Variants in GLB1 observed in about 807,000 individuals in gnomAD.
GLB1 encodes the protein beta-galactosidase.
Under a neutral mutation model 74.0 loss-of-function variants are expected in GLB1, and 56 were observed. The observed-to-expected ratio is 0.76, with a 90% CI of 0.61 to 0.94. The LOEUF is 0.94. GLB1 is among the 40% of genes least tolerant of loss of function. GLB1 has a pLI of 0.00. For synonymous variants in GLB1, 323 were observed against 323.6 expected, an observed-to-expected ratio of 1.00 and a Z score of 0.02; for missense variants, 787 against 845.5, an observed-to-expected ratio of 0.93 and a Z score of 0.86.
At chr3:33,096,796 CGAGCT>C (rs1052499421) in intron 1 of GLB1, 10 of 1,348,758 alleles carry the variant, frequency 7.4e-6, no homozygotes, top group Non-Finnish European at 9.5e-6. Context: ...CACAAGCGAC[CGAGCT>C]GCCTGGAAGG....
At chr3:33,012,289 G>A (rs1358342798) in intron 15 of GLB1, among the ~76,000 whole-genome samples, 2 of 152,134 alleles carry the variant, frequency 1.3e-5, no homozygotes, top group African/African-American at 4.8e-5. Flanking sequence ...CTCTGCTATG[G>A]TCTGAATGTT....
At chr3:33,019,069 G>A (rs1697361130) in intron 12 of GLB1, among the ~76,000 whole-genome samples, 1 of 152,214 alleles carries the variant, frequency 6.6e-6, no homozygotes, top group African/African-American at 2.4e-5. Context: ...TGTAGTCTCA[G>A]TTACTTGGGG....
downstream of GLB1, chr3:32,996,518 AT>A (rs1305372332): frequency 5.2e-6 from 1 of 193,888 alleles, no homozygotes; most frequent in African/African-American, 2.3e-5. Flanking sequence ...TGTTTGCATA[AT>A]TGTTTTGAGC....
chr3:33,096,605 A>G, intron 1 of GLB1: 2 of 1,054,432 alleles, frequency 1.9e-6, no homozygotes, highest in African/African-American at 1.7e-5. Context: ...AGCGCTCCGC[A>G]GAGCACCAAC....
At chr3:33,035,646 C>T (rs898665329) in intron 10 of GLB1, among the ~76,000 whole-genome samples, 1 of 152,102 alleles carries the variant, frequency 6.6e-6, no homozygotes, top group African/African-American at 2.4e-5. Context: ...GAAGTCAGTG[C>T]TCTGCAATGT....
intron 10 of GLB1, among the ~76,000 whole-genome samples, chr3:33,028,222 T>C (rs1376633524): frequency 6.6e-6 from 1 of 152,220 alleles, no homozygotes; most frequent in Non-Finnish European, 1.5e-5. Context: ...GATTATTTAA[T>C]TGTTCCTATT....
intron 14 of GLB1, among the ~76,000 whole-genome samples, chr3:33,015,543 T>C (rs76563295): frequency 0.069 from 10,520 of 152,228 alleles, 531 homozygotes; most frequent in East Asian, 0.25. Context: ...CAAGTCTCGA[T>C]TGCCCATTTA....
the GLB1 span, among the ~76,000 whole-genome samples, chr3:32,963,537 T>G: frequency 6.6e-6 from 1 of 152,324 alleles, no homozygotes; most frequent in African/African-American, 2.4e-5. Context: ...TAAATGCAAT[T>G]GAACTTTTTT....
At chr3:32,996,271 A>C (rs1696308798), downstream of GLB1, among the ~76,000 whole-genome samples, 1 of 152,202 alleles carries the variant, frequency 6.6e-6, no homozygotes, top group South Asian at 2.1e-4. Flanking sequence ...CATACACAGC[A>C]CACACACACG....
the GLB1 span, among the ~76,000 whole-genome samples, chr3:32,964,734 C>T: frequency 2.3e-4 from 35 of 152,152 alleles, no homozygotes; most frequent in African/African-American, 7.5e-4. Context: ...GTCCATAAAA[C>T]GACTTGTTCA....
At chr3:33,091,019 G>A (rs905251159) in intron 1 of GLB1, 30 of 985,228 alleles carry the variant, frequency 3.0e-5, no homozygotes, top group South Asian at 9.4e-5. Flanking sequence ...GAAATAACAC[G>A]TAACAGGTGA....
chr3:33,062,067 A>C (rs1290526941), intron 5 of GLB1, among the ~76,000 whole-genome samples: 3 of 152,252 alleles, frequency 2.0e-5, no homozygotes, highest in Non-Finnish European at 4.4e-5. Flanking sequence ...TCAAACTCTG[A>C]GCACTGAGAG....
At chr3:32,966,043 C>A in the GLB1 span, among the ~76,000 whole-genome samples, 1 of 152,226 alleles carries the variant, frequency 6.6e-6, no homozygotes, top group African/African-American at 2.4e-5. Flanking sequence ...TGGAGAATCT[C>A]TGTAGTGCAG....
intron 4 of GLB1, among the ~76,000 whole-genome samples, chr3:33,066,751 A>G (rs1699699551): frequency 6.6e-6 from 1 of 152,134 alleles, no homozygotes; most frequent in African/African-American, 2.4e-5. Flanking sequence ...AATAAATTCT[A>G]TATTTATATT....
the GLB1 span, among the ~76,000 whole-genome samples, chr3:32,967,852 G>T: frequency 6.6e-6 from 1 of 152,124 alleles, no homozygotes; most frequent in South Asian, 2.1e-4. Context: ...GCCTGGTAGC[G>T]GAACGGAACT....
At chr3:32,961,358 G>A in the GLB1 span, among the ~76,000 whole-genome samples, 1 of 152,222 alleles carries the variant, frequency 6.6e-6, no homozygotes, top group Non-Finnish European at 1.5e-5. Flanking sequence ...GGTGGTAAGA[G>A]ATGGAGCAGG....
chr3:32,966,976 C>A, the GLB1 span, among the ~76,000 whole-genome samples: 7 of 152,110 alleles, frequency 4.6e-5, no homozygotes, highest in Non-Finnish European at 8.8e-5. Context: ...ATAAATTACC[C>A]GGTCTCTGGT....
chr3:32,978,071 T>C, the GLB1 span, among the ~76,000 whole-genome samples: 1 of 152,224 alleles, frequency 6.6e-6, no homozygotes, highest in Non-Finnish European at 1.5e-5. Flanking sequence ...AGGTACGTGA[T>C]GGCCACGTTA....
chr3:33,028,031 G>C (rs1263241627), intron 10 of GLB1, among the ~76,000 whole-genome samples: 2 of 152,056 alleles, frequency 1.3e-5, no homozygotes, highest in African/African-American at 4.8e-5. Flanking sequence ...CTCCTGAGTA[G>C]CTGGGACTAT....
Sources: allele counts gnomAD v4.1 joint callset (sites outside exome capture counted in the v4.1 genomes callset), GRCh38; gene constraint gnomAD v4.1.1; transcripts MANE v1.5; gene names NCBI Gene and HGNC (gene_info 2026-07-23, HGNC 2026-07-21).